Variants in SHISA6 observed in about 807,000 individuals in gnomAD.
SHISA6 encodes the protein shisa family member 6, also known as protein shisa-6.
Under a neutral mutation model 47.9 loss-of-function variants are expected in SHISA6, and 22 were observed. The observed-to-expected ratio is 0.46, with a 90% confidence interval of 0.33 to 0.66. The LOEUF is 0.66. Ranked by LOEUF, SHISA6 falls within the 30% of genes least tolerant of loss-of-function variation. SHISA6 has a pLI of 0.02. For synonymous variants in SHISA6, 388 were observed against 337.8 expected (o/e 1.15, Z -1.63); for missense variants, 680 against 764.6 (o/e 0.89, Z 1.30).
chr17:11,316,445 G>T (rs1349636693), intron 2 of SHISA6, among the ~76,000 whole-genome samples: 1 of 126,608 alleles, frequency 7.9e-6, no homozygotes. Flanking sequence ...TTTTGAGACG[G>T]AGTCTTGCTC....
At chr17:11,448,480 T>C (rs2142303216) in intron 3 of SHISA6, among the ~76,000 whole-genome samples, 1 of 151,946 alleles carries the variant, frequency 6.6e-6, no homozygotes, top group African/African-American at 2.4e-5. Flanking sequence ...TGCAGTCAGC[T>C]GTGATCACAC....
chr17:11,321,303 T>A (rs1910712321), intron 2 of SHISA6, among the ~76,000 whole-genome samples: 1 of 152,202 alleles, frequency 6.6e-6, no homozygotes, highest in South Asian at 2.1e-4. Flanking sequence ...CAGAACTAGA[T>A]TATATGGCCA....
chr17:11,467,692 A>T (rs1915845135), intron 3 of SHISA6, among the ~76,000 whole-genome samples: 1 of 152,150 alleles, frequency 6.6e-6, no homozygotes, highest in African/African-American at 2.4e-5. Flanking sequence ...AGAATACATA[A>T]GGGATTAAAG....
intron 3 of SHISA6, among the ~76,000 whole-genome samples, chr17:11,524,385 T>C (rs911597554): frequency 1.3e-5 from 2 of 152,156 alleles, no homozygotes; most frequent in Non-Finnish European, 2.9e-5. Context: ...ATTGAACTCA[T>C]AGATAAAAAA....
chr17:11,502,689 C>T (rs1453042847), intron 3 of SHISA6, among the ~76,000 whole-genome samples: 1 of 151,294 alleles, frequency 6.6e-6, no homozygotes, highest in Non-Finnish European at 1.5e-5. Context: ...ATCGTGCCAT[C>T]GCACTCCAGC....
chr17:11,557,795 C>G lies in SHISA6; in HGVS notation c.1147C>G (p.Leu383Val). Residue 383 changes from leucine (L) to valine (V), a missense_variant, in exon 6 of 6, where the codon CTG (leucine) becomes GTG (valine). Leu to Val is a conservative substitution (Grantham distance 32). Transcript: ENST00000441885. ...ADEYYMRRRH[L>V]PDLAARGTLP... ...CGAGTATTACATGAGACGGCGGCAC[C>G]TGCCCGACCTGGCTGCCCGCGGCAC... The G allele has an allele frequency of 6.4e-7, 1 of 1,550,992 alleles. No individual in the cohort carries two copies. The highest frequency in any genetic ancestry group is 8.7e-7 in the Non-Finnish European group (1 of 1,146,758).
chr17:11,273,695 T>C (rs1302927742), intron 2 of SHISA6, among the ~76,000 whole-genome samples: 3 of 152,060 alleles, frequency 2.0e-5, no homozygotes, highest in Non-Finnish European at 4.4e-5. Context: ...TCCCAGTAGA[T>C]AGGAGGCTAC....
chr17:11,537,402 T>TC (rs2071796638), intron 3 of SHISA6, among the ~76,000 whole-genome samples: 1 of 152,110 alleles, frequency 6.6e-6, no homozygotes, highest in Admixed American at 6.5e-5. Context: ...AAGGCCTGCC[T>TC]CTGTGCATTG....
chr17:11,448,661 T>C (rs776231766), intron 3 of SHISA6, among the ~76,000 whole-genome samples: 12 of 150,674 alleles, frequency 8.0e-5, no homozygotes, highest in African/African-American at 1.2e-4. Flanking sequence ...ACCTGATCTC[T>C]ACTAAAATAC....
chr17:11,388,789 TTTATATA>T (rs1913275923), intron 3 of SHISA6, among the ~76,000 whole-genome samples: 1 of 61,712 alleles, frequency 1.6e-5, no homozygotes. Context: ...CAAACAAAAG[TTTATATA>T]TATATATATA....
chr17:11,370,419 G>A (rs963463611), intron 2 of SHISA6, among the ~76,000 whole-genome samples: 4 of 152,032 alleles, frequency 2.6e-5, no homozygotes, highest in African/African-American at 4.8e-5. Flanking sequence ...CCATATTTAC[G>A]TTTTTGTTTG....
At chr17:11,260,087 A>G (rs2071062379) in intron 1 of SHISA6, among the ~76,000 whole-genome samples, 2 of 152,176 alleles carry the variant, frequency 1.3e-5, no homozygotes, top group South Asian at 4.1e-4. Context: ...TTTGCTATTA[A>G]GGTGATTAAT....
At chr17:11,524,045 A>G in intron 3 of SHISA6, among the ~76,000 whole-genome samples, 1 of 151,612 alleles carries the variant, frequency 6.6e-6, no homozygotes, top group East Asian at 1.9e-4. Context: ...AAAAGAAAGA[A>G]AGAAAAAGAA....
chr17:11,357,409 A>G (rs1465335751), intron 2 of SHISA6, among the ~76,000 whole-genome samples: 1 of 152,192 alleles, frequency 6.6e-6, no homozygotes, highest in African/African-American at 2.4e-5. Flanking sequence ...ATACCTGCCC[A>G]TTAAGGAAAC....
intron 2 of SHISA6, among the ~76,000 whole-genome samples, chr17:11,353,333 T>C (rs765916624): frequency 3.3e-5 from 5 of 151,730 alleles, no homozygotes; most frequent in African/African-American, 4.8e-5. Context: ...GGTGCGCACA[T>C]GTAGTCCCAG....
intron 2 of SHISA6, among the ~76,000 whole-genome samples, chr17:11,327,563 A>G (rs1450056033): frequency 6.6e-6 from 1 of 152,220 alleles, no homozygotes; most frequent in Non-Finnish European, 1.5e-5. Context: ...TTGGGAGGCC[A>G]AGGCGGGTGG....
intron 2 of SHISA6, chr17:11,288,669 G>A (rs1049865505): frequency 1.3e-5 from 2 of 152,146 alleles, no homozygotes; most frequent in African/African-American, 4.8e-5. Context: ...ACTTTACACA[G>A]TATTCCTGTT....
intron 3 of SHISA6, among the ~76,000 whole-genome samples, chr17:11,462,792 T>C (rs1915723593): frequency 6.6e-6 from 1 of 151,822 alleles, no homozygotes; most frequent in Non-Finnish European, 1.5e-5. Context: ...CATGCCTGGC[T>C]AATTTTTGTA....
At chr17:11,386,649 G>T (rs1157150154) in intron 3 of SHISA6, among the ~76,000 whole-genome samples, 1 of 152,206 alleles carries the variant, frequency 6.6e-6, no homozygotes, top group Admixed American at 6.5e-5. Flanking sequence ...TGCTGGGGGT[G>T]TATTTCAGAA....
Sources: allele counts gnomAD v4.1 joint callset (sites outside exome capture counted in the v4.1 genomes callset), GRCh38; gene constraint gnomAD v4.1.1; transcripts MANE v1.5; gene names NCBI Gene and HGNC (gene_info 2026-07-23, HGNC 2026-07-21).